POGZ: variants seen among roughly 807,000 people sequenced by gnomAD.
The protein encoded by POGZ is pogo transposable element derived with ZNF domain.
In POGZ, 17 loss-of-function variants were observed where a neutral mutation model predicts 134.6. The observed-to-expected ratio is 0.13, with a 90% confidence interval of 0.09 to 0.19. POGZ has a LOEUF of 0.19. Ranked by LOEUF, POGZ falls within the 10% of genes least tolerant of loss-of-function variation. The pLI is 1.00. For missense variants in POGZ, 1,306 were observed against 1,769.7 expected, an observed-to-expected ratio of 0.74 and a Z score of 4.70; for synonymous variants, 693 against 657.1, an observed-to-expected ratio of 1.05 and a Z score of -0.84.
intron 5 of POGZ, among the ~76,000 whole-genome samples, chr1:151,428,822 C>A (rs1022036123): frequency 6.6e-6 from 1 of 152,170 alleles, no homozygotes; most frequent in Non-Finnish European, 1.5e-5. Flanking sequence ...CCTCTTCTAT[C>A]AACTCAGAAG....
chr1:151,441,614 C>T (rs1191235745), intron 2 of POGZ, among the ~76,000 whole-genome samples: 1 of 152,150 alleles, frequency 6.6e-6, no homozygotes, highest in African/African-American at 2.4e-5. Context: ...GAAAGAAAAG[C>T]TAACAAGCCT....
intron 1 of POGZ, among the ~76,000 whole-genome samples, chr1:151,444,726 A>C (rs12120726): frequency 0.64 from 97,627 of 152,142 alleles, 34,873 homozygotes; most frequent in Non-Finnish European, 0.82. Context: ...ACAATACCTT[A>C]AGAGTTTCAG....
chr1:151,419,293 T>C (rs757353537), intron 10 of POGZ, among the ~76,000 whole-genome samples: 84 of 151,052 alleles, frequency 5.6e-4, no homozygotes, highest in Middle Eastern at 6.8e-3. Context: ...ACCTAGGAGG[T>C]AGAGGTTGCA....
intron 3 of POGZ, among the ~76,000 whole-genome samples, chr1:151,433,359 G>A (rs866218624): frequency 9.9e-5 from 15 of 152,108 alleles, no homozygotes; most frequent in African/African-American, 3.1e-4. Flanking sequence ...TGTAATCCCA[G>A]CATTTTGGGA....
chr1:151,418,285 C>T (rs1656145544), intron 10 of POGZ, among the ~76,000 whole-genome samples: 1 of 151,888 alleles, frequency 6.6e-6, no homozygotes, highest in Admixed American at 6.6e-5. Flanking sequence ...GAAATTCTGT[C>T]ATGCAGCACA....
Position 151,425,088 on chromosome 1 carries a change from G to A in POGZ, c.1079-27C>T, listed in dbSNP as rs578230633. 5 of 1,160,702 alleles carry A rather than the reference G, an allele frequency of 4.3e-6. No homozygotes were observed. The African/African-American group carries it at 7.5e-5, about 18-fold the overall frequency. The allele number at this position is 1,160,702 out of a possible 1,614,324, so 71.9% of individuals were successfully genotyped here. A position where few individuals can be genotyped will look rare whatever the true frequency, so the allele number is the denominator to read the frequency against. On this transcript the variant is annotated intron_variant, in intron 7 of 18. Coordinates refer to ENST00000271715, the MANE Select transcript of POGZ (RefSeq NM_015100.4). The stretch of plus-strand genomic sequence containing the variant: ...TGAAAGAAGTGAGAAGAATTGATAA[G>A]ATTAATACAATGACACTGGAAAAAG...
At chr1:151,441,481 G>C (rs1660515593) in intron 2 of POGZ, among the ~76,000 whole-genome samples, 2 of 152,120 alleles carry the variant, frequency 1.3e-5, no homozygotes, top group South Asian at 2.1e-4. Flanking sequence ...GCCATCTTCA[G>C]GTCTCAAGAC....
chr1:151,419,218 T>C (rs1364275522), intron 10 of POGZ, among the ~76,000 whole-genome samples: 1 of 151,498 alleles, frequency 6.6e-6, no homozygotes, highest in Admixed American at 6.6e-5. Context: ...AAAAATTAAC[T>C]GGGCATGGTG....
intron 3 of POGZ, among the ~76,000 whole-genome samples, chr1:151,433,454 C>T (rs1659048798): frequency 6.6e-6 from 1 of 151,716 alleles, no homozygotes; most frequent in Non-Finnish European, 1.5e-5. Context: ...CTAAAAATAA[C>T]AAAACTAGCC....
chr1:151,412,145 A>G, intron 11 of POGZ, 151 bp downstream of exon 11: 1 of 548,024 alleles, frequency 1.8e-6, no homozygotes, highest in East Asian at 3.1e-5. Context: ...GGAAACCCTG[A>G]AGATAAACTG....
intron 3 of POGZ, among the ~76,000 whole-genome samples, chr1:151,440,692 T>C (rs1208995014): frequency 1.3e-5 from 2 of 152,176 alleles, no homozygotes; most frequent in African/African-American, 2.4e-5. Context: ...AAATTATCAA[T>C]AGCAAGAATC....
rs1293991661 is a variant in POGZ, at chr1:151,440,933, T to C, written c.278A>G (p.Asn93Ser). The C allele has an allele frequency of 6.2e-7, 1 of 1,612,912 alleles. No homozygotes were observed. Among genetic ancestry groups the C allele is most frequent in the Non-Finnish European group, 8.5e-7 (1 of 1,179,192 alleles). ...TTCCCAATAATCCCACTTACCATTG[T>C]TGTTGGCAATTAGTGTGACAAGAGT... ...KKTLVTLIAN[N>S]NAGNPLVQQG... Residue 93 changes from asparagine to serine, a missense_variant, in exon 3 of 19, where the codon AAC (asparagine) becomes AGC (serine). Physicochemically the swap from Asn to Ser is conservative, Grantham distance 46. This residue lies in a region of POGZ where 541 missense variants were observed against 680.5 expected (regional missense o/e 0.80). Coordinates refer to ENST00000271715, the MANE Select transcript of POGZ (RefSeq NM_015100.4).
rs1653038692 is a variant in POGZ at position 151,403,372 on chromosome 1, T to A, written c.*1430A>T. On this transcript the variant is annotated 3_prime_UTR_variant, in exon 19 of 19. Transcript: ENST00000271715. The stretch of plus-strand genomic sequence containing the variant: ...AGTTTATAAATCCATTTCCCCTCAT[T>A]TTATTAAATGTTCCACTTATGTACA... 1.0e-6 allele frequency: 1 copy of A among 985,624 alleles called. No individual in the cohort carries two copies. Among genetic ancestry groups the A allele is most frequent in the South Asian group, 4.7e-5 (1 of 21,276 alleles). 61.1% of individuals were successfully genotyped at this position (985,624 alleles called of 1,614,324 possible). A position where few individuals can be genotyped will look rare whatever the true frequency, so the allele number is the denominator to read the frequency against.
chr1:151,417,733 A>C (rs1370197258), intron 10 of POGZ, among the ~76,000 whole-genome samples: 2 of 146,646 alleles, frequency 1.4e-5, no homozygotes, highest in African/African-American at 5.2e-5. Flanking sequence ...CACACACAAA[A>C]GGCCTTATTT....
At chr1:151,454,595 T>C (rs1662546850) in intron 1 of POGZ, among the ~76,000 whole-genome samples, 1 of 152,224 alleles carries the variant, frequency 6.6e-6, no homozygotes, top group Admixed American at 6.5e-5. Context: ...TGCTCTTTAC[T>C]AAAACAAGTA....
At chr1:151,411,849 A>G in intron 11 of POGZ, 78 bp from the exon 12 acceptor site, 1 of 1,309,392 alleles carries the variant, frequency 7.6e-7, no homozygotes, top group Non-Finnish European at 1.0e-6. Flanking sequence ...GGTAGCAACA[A>G]AAATTTTTAA....
intron 10 of POGZ, among the ~76,000 whole-genome samples, chr1:151,415,461 C>T (rs1286168990): frequency 6.6e-6 from 1 of 151,378 alleles, no homozygotes; most frequent in African/African-American, 2.4e-5. Context: ...TTCAGGAGAT[C>T]GAGACCATTC....
At chr1:151,421,036 G>A (rs950201100) in intron 10 of POGZ, among the ~76,000 whole-genome samples, 22 of 147,798 alleles carry the variant, frequency 1.5e-4, no homozygotes, top group African/African-American at 5.0e-4. Context: ...TTATAAATTA[G>A]GCAAAGAGAT....
chr1:151,457,351 G>A (rs548553213), intron 1 of POGZ, among the ~76,000 whole-genome samples: 1 of 152,274 alleles, frequency 6.6e-6, no homozygotes, highest in South Asian at 2.1e-4. Flanking sequence ...ACATTAATCA[G>A]TCTCAGCCCC....
Sources: allele counts gnomAD v4.1 joint callset (sites outside exome capture counted in the v4.1 genomes callset), GRCh38; gene constraint gnomAD v4.1.1; regional missense constraint gnomAD v4.1.1; transcripts MANE v1.5; gene names NCBI Gene and HGNC (gene_info 2026-07-23, HGNC 2026-07-21).